The following GLIS3 variants were observed in gnomAD, a reference collection of about 807,000 sequenced individuals.
GLIS3 encodes GLIS family zinc finger 3.
A neutral mutation model predicts 78.6 loss-of-function variants in GLIS3; 53 were observed. The ratio of observed to expected loss-of-function variants is 0.67; its 90% CI spans 0.54 to 0.85. GLIS3 has a LOEUF of 0.85. GLIS3 is among the 40% of genes least tolerant of loss of function. The pLI is 0.00. For missense variants in GLIS3, 1,703 were observed against 1,231.1 expected, an observed-to-expected ratio of 1.38 and a Z score of -5.74; for synonymous variants, 684 against 509.9, an observed-to-expected ratio of 1.34 and a Z score of -4.60.
chr9:3,939,705 A>G (rs10974235), intron 4 of GLIS3, among the ~76,000 whole-genome samples: 58,993 of 152,012 alleles, frequency 0.39, 11,915 homozygotes, highest in East Asian at 0.52. Flanking sequence ...GCATTACAGT[A>G]TTCTCGGGGA....
the GLIS3 span, among the ~76,000 whole-genome samples, chr9:4,446,761 T>G: frequency 6.6e-6 from 1 of 151,430 alleles, no homozygotes; most frequent in African/African-American, 2.4e-5. Flanking sequence ...GTGACCTGCC[T>G]CGGCCTCCCA....
At chr9:4,473,818 A>G in the GLIS3 span, among the ~76,000 whole-genome samples, 2,322 of 152,296 alleles carry the variant, frequency 0.015, 56 homozygotes, top group African/African-American at 0.054. Flanking sequence ...ATTTTTAAAG[A>G]TGCTATTTAC....
chr9:4,083,054 C>T (rs1328172657), intron 4 of GLIS3, among the ~76,000 whole-genome samples: 1 of 152,166 alleles, frequency 6.6e-6, no homozygotes, highest in Non-Finnish European at 1.5e-5. Context: ...GAGTTATCCA[C>T]AAACCCTTTT....
At chr9:4,173,303 C>T (rs1039127151) in intron 2 of GLIS3, among the ~76,000 whole-genome samples, 1 of 152,142 alleles carries the variant, frequency 6.6e-6, no homozygotes, top group Admixed American at 6.5e-5. Context: ...TCGAGCTCAG[C>T]AATTATGCTC....
At chr9:4,353,012 G>T (rs910269907), upstream of GLIS3, among the ~76,000 whole-genome samples, 1 of 152,092 alleles carries the variant, frequency 6.6e-6, no homozygotes, top group Admixed American at 6.5e-5. Flanking sequence ...TGGCTCATTG[G>T]TTTGGTTAGG....
the GLIS3 span, among the ~76,000 whole-genome samples, chr9:4,463,991 G>A: frequency 6.6e-6 from 1 of 152,208 alleles, no homozygotes; most frequent in African/African-American, 2.4e-5. Context: ...ATAGATGCAA[G>A]TTGAAAGAAA....
chr9:4,156,243 C>T (rs1478329254), intron 2 of GLIS3, among the ~76,000 whole-genome samples: 2 of 152,006 alleles, frequency 1.3e-5, no homozygotes, highest in East Asian at 3.9e-4. Flanking sequence ...AAGGTTATTC[C>T]CTCCCTTCTT....
chr9:3,885,395 GT>G (rs1426682134), intron 7 of GLIS3, among the ~76,000 whole-genome samples: 2 of 152,198 alleles, frequency 1.3e-5, no homozygotes, highest in Non-Finnish European at 2.9e-5. Flanking sequence ...GTCATTCATG[GT>G]TGCATTATGG....
At chr9:4,379,744 T>C in the GLIS3 span, among the ~76,000 whole-genome samples, 1 of 152,248 alleles carries the variant, frequency 6.6e-6, no homozygotes, top group East Asian at 1.9e-4. Context: ...GCAGTGTCCC[T>C]AGCAATGACA....
At chr9:4,350,622 T>A (rs182977233), upstream of GLIS3, among the ~76,000 whole-genome samples, 57 of 152,302 alleles carry the variant, frequency 3.7e-4, no homozygotes, top group East Asian at 7.3e-3. Flanking sequence ...GAACTCTTCT[T>A]CCAGAATCCA....
At chr9:4,133,234 T>A (rs1037501091) in intron 2 of GLIS3, among the ~76,000 whole-genome samples, 1 of 152,196 alleles carries the variant, frequency 6.6e-6, no homozygotes, top group Non-Finnish European at 1.5e-5. Context: ...TATATAACCA[T>A]AATATAATCA....
intron 2 of GLIS3, among the ~76,000 whole-genome samples, chr9:4,194,862 C>T (rs10814875): frequency 2.0e-5 from 3 of 151,962 alleles, no homozygotes; most frequent in Non-Finnish European, 4.4e-5. Context: ...AAAAACACTG[C>T]GAAAAGCTGC....
chr9:3,864,236 G>GA (rs1820425224), intron 8 of GLIS3, among the ~76,000 whole-genome samples: 1 of 152,184 alleles, frequency 6.6e-6, no homozygotes, highest in South Asian at 2.1e-4. Context: ...GCAAAGGCAA[G>GA]AATCTTTCTC....
chr9:3,999,496 T>C (rs1284159091), intron 4 of GLIS3, among the ~76,000 whole-genome samples: 2 of 152,104 alleles, frequency 1.3e-5, no homozygotes, highest in African/African-American at 4.8e-5. Context: ...AAAGTTACCA[T>C]GTATAAAACA....
At chr9:4,235,177 T>C (rs986905787) in intron 2 of GLIS3, among the ~76,000 whole-genome samples, 1 of 151,930 alleles carries the variant, frequency 6.6e-6, no homozygotes, top group African/African-American at 2.4e-5. Flanking sequence ...CACCTGCCTG[T>C]AGTTCCAGCT....
intron 4 of GLIS3, among the ~76,000 whole-genome samples, chr9:3,968,499 C>T (rs1818131492): frequency 1.3e-5 from 2 of 152,038 alleles, no homozygotes; most frequent in African/African-American, 4.8e-5. Flanking sequence ...TCCGTCTATA[C>T]AAAATGCTTA....
At chr9:4,431,398 T>G in the GLIS3 span, among the ~76,000 whole-genome samples, 1 of 152,204 alleles carries the variant, frequency 6.6e-6, no homozygotes, top group Non-Finnish European at 1.5e-5. Context: ...GAATAAAAAC[T>G]TGTTTCTCAC....
At chr9:4,363,955 A>C in the GLIS3 span, among the ~76,000 whole-genome samples, 1 of 152,182 alleles carries the variant, frequency 6.6e-6, no homozygotes, top group Non-Finnish European at 1.5e-5. Context: ...CCAGTATTAC[A>C]AAAGAGATTT....
chr9:4,401,380 C>T, the GLIS3 span, among the ~76,000 whole-genome samples: 28 of 151,724 alleles, frequency 1.8e-4, no homozygotes, highest in Admixed American at 1.8e-3. Context: ...CTGCCTCAGC[C>T]TCCCGATTAG....
Sources: allele counts gnomAD v4.1 joint callset (sites outside exome capture counted in the v4.1 genomes callset), GRCh38; gene constraint gnomAD v4.1.1; transcripts MANE v1.5; gene names NCBI Gene and HGNC (gene_info 2026-07-23, HGNC 2026-07-21).